RNF150: variants seen among roughly 807,000 people sequenced by gnomAD.
The protein encoded by RNF150 is ring finger protein 150.
RNF150 carries 24 observed loss-of-function variants against 39.3 expected under a neutral mutation model. That is an observed-to-expected ratio of 0.61 (90% CI 0.44 to 0.86). RNF150 has a LOEUF of 0.86. Among genes scored for constraint, RNF150 ranks in the 40% least tolerant of loss-of-function variants. The pLI is 0.00. For missense variants in RNF150, 502 were observed against 587.8 expected (o/e 0.85, Z 1.51); for synonymous variants, 255 against 227.3 (o/e 1.12, Z -1.10).
chr4:140,984,062 C>T (rs1250789039), intron 1 of RNF150, among the ~76,000 whole-genome samples: 1 of 152,002 alleles, frequency 6.6e-6, no homozygotes, highest in African/African-American at 2.4e-5. Context: ...TTGACTGTGA[C>T]CTGTCACATG....
At chr4:141,087,889 A>G (rs1218676639) in intron 1 of RNF150, among the ~76,000 whole-genome samples, 3 of 152,044 alleles carry the variant, frequency 2.0e-5, no homozygotes, top group African/African-American at 7.2e-5. Context: ...TGAATTCCTC[A>G]GTCTGGTAAT....
chr4:141,132,814 T>A lies in RNF150; in HGVS notation c.-6A>T. Reference sequence around the variant, plus strand: ...TGGATGAGAGACATTGCCATCTTTATCCGCCGGGGCCCCCTCCCCGCCCCC... The same window carrying A: ...TGGATGAGAGACATTGCCATCTTTAACCGCCGGGGCCCCCTCCCCGCCCCC... On this transcript the variant is annotated 5_prime_UTR_variant, in exon 1 of 7. Coordinates refer to ENST00000515673, the MANE Select transcript of RNF150 (RefSeq NM_020724.2). This position sits in a 1 kb window ranked among gnomAD's most constrained non-coding sequence, Gnocchi z 4.9. The A allele has an allele frequency of 1.9e-6, 3 of 1,607,822 alleles. No homozygotes were observed. The highest frequency in any genetic ancestry group is 2.5e-6 in the Non-Finnish European group (3 of 1,177,084).
intron 6 of RNF150, among the ~76,000 whole-genome samples, chr4:140,903,794 C>T (rs1236717856): frequency 1.3e-5 from 2 of 152,182 alleles, no homozygotes; most frequent in African/African-American, 4.8e-5. Context: ...TTCAGGAAGA[C>T]AAGCTTCTTC....
At chr4:140,929,575 C>T (rs1470659259) in intron 4 of RNF150, among the ~76,000 whole-genome samples, 1 of 151,896 alleles carries the variant, frequency 6.6e-6, no homozygotes, top group African/African-American at 2.4e-5. Flanking sequence ...ATCGTGTTGG[C>T]CAGGATGGTC....
chr4:140,915,888 C>T (rs1240036201), intron 5 of RNF150, among the ~76,000 whole-genome samples: 4 of 152,164 alleles, frequency 2.6e-5, no homozygotes, highest in Admixed American at 6.5e-5. Flanking sequence ...TGCGGTTCAC[C>T]AATATCTGCT....
In RNF150 at chr4:141,005,986, G is replaced by A. The variant is rs896858953; in HGVS notation, c.485-38113C>T. Among the ~76,000 whole-genome samples the A allele has an allele frequency of 1.4e-4, 18 of 132,324 alleles. 3 individuals are homozygous for A. The highest frequency in any genetic ancestry group is 1.0e-3 in the Admixed American group (14 of 13,470). 86.8% of individuals were successfully genotyped at this position (132,324 alleles called of 152,430 possible). ...TGGGAGGCTGAGGCAGGAGAATGGC[G>A]TGAACCCGGGAGGCGGAGTTTGCAG... On this transcript the variant is annotated intron_variant, in intron 1 of 6. Transcript: ENST00000515673.
At chr4:140,991,739 A>G (rs558859090) in intron 1 of RNF150, among the ~76,000 whole-genome samples, 1 of 152,300 alleles carries the variant, frequency 6.6e-6, no homozygotes, top group African/African-American at 2.4e-5. Context: ...TATATTCTAT[A>G]TGAAATTTTA....
intron 5 of RNF150, 63 bp downstream of exon 5, chr4:140,925,914 C>T: frequency 1.7e-6 from 2 of 1,146,224 alleles, no homozygotes; most frequent in South Asian, 2.5e-5. Flanking sequence ...AATGTTTTCT[C>T]CCTGCTTTGA....
chr4:141,016,162 T>C (rs1241793294), intron 1 of RNF150, among the ~76,000 whole-genome samples: 5 of 152,178 alleles, frequency 3.3e-5, no homozygotes, highest in Non-Finnish European at 5.9e-5. Flanking sequence ...TGACAATACC[T>C]GCTGTTTACT....
chr4:141,168,931 C>T (rs1384966629), intron 1 of RNF150, among the ~76,000 whole-genome samples: 1 of 152,062 alleles, frequency 6.6e-6, no homozygotes, highest in Non-Finnish European at 1.5e-5. Flanking sequence ...TATCCCAGAA[C>T]TTAAAGTATA....
intron 1 of RNF150, among the ~76,000 whole-genome samples, chr4:141,107,134 A>C (rs926348830): frequency 8.5e-5 from 13 of 152,210 alleles, no homozygotes; most frequent in Non-Finnish European, 1.5e-5. Flanking sequence ...ATTTAAAGTG[A>C]TCTCTACCAC....
chr4:141,025,128 C>A (rs1487409137), intron 1 of RNF150, among the ~76,000 whole-genome samples: 1 of 152,028 alleles, frequency 6.6e-6, no homozygotes, highest in Non-Finnish European at 1.5e-5. Context: ...TAGAACTCTT[C>A]AAGAAATTCT....
chr4:141,042,715 C>T (rs1736416559), intron 1 of RNF150, among the ~76,000 whole-genome samples: 1 of 152,050 alleles, frequency 6.6e-6, no homozygotes, highest in Non-Finnish European at 1.5e-5. Flanking sequence ...TTCTTATTTC[C>T]TGGATAGATA....
At position 140,861,960 on chromosome 4, in the gene RNF150, C is replaced by T. The variant is rs1210141245; in HGVS notation, c.*6301G>A. ...AAAACCCCATAAGGTTTAATGGTTT[C>T]ATTCAACCATGCAACCCACCTTCGC... On this transcript the variant is annotated 3_prime_UTR_variant, in exon 7 of 7. Coordinates refer to ENST00000515673, the MANE Select transcript of RNF150 (RefSeq NM_020724.2). The T allele has an allele frequency of 4.6e-5, 7 of 152,166 alleles. No individual in the cohort carries two copies. The highest frequency in any genetic ancestry group is 1.0e-4 in the Non-Finnish European group (7 of 68,030). The allele number at this position is 152,166 out of a possible 1,614,324, so 9.4% of individuals were successfully genotyped here.
At chr4:140,989,413 G>A (rs961016540) in intron 1 of RNF150, among the ~76,000 whole-genome samples, 18 of 152,056 alleles carry the variant, frequency 1.2e-4, no homozygotes, top group African/African-American at 4.3e-4. Flanking sequence ...CTACTTCTGG[G>A]AGCTGGCCAA....
At chr4:140,869,444 A>C (rs898292148) in intron 6 of RNF150, among the ~76,000 whole-genome samples, 1 of 152,200 alleles carries the variant, frequency 6.6e-6, no homozygotes, top group Non-Finnish European at 1.5e-5. Context: ...ATGAACATAC[A>C]TCACTTACTC....
intron 1 of RNF150, among the ~76,000 whole-genome samples, chr4:141,051,965 G>A (rs1339894086): frequency 6.6e-6 from 1 of 152,198 alleles, no homozygotes; most frequent in Non-Finnish European, 1.5e-5. Flanking sequence ...GTTCCATGTG[G>A]CTGGGGAGTC....
chr4:141,134,914 G>A (rs1289973935), upstream of RNF150, among the ~76,000 whole-genome samples: 1 of 152,158 alleles, frequency 6.6e-6, no homozygotes, highest in East Asian at 1.9e-4. Flanking sequence ...TTATCGCTTA[G>A]CATTTTTTTT....
chr4:140,982,140 C>T (rs1035743590), intron 1 of RNF150, among the ~76,000 whole-genome samples: 1 of 152,196 alleles, frequency 6.6e-6, no homozygotes, highest in Non-Finnish European at 1.5e-5. Context: ...TCACCAATGG[C>T]AAAATCTTCT....
Sources: gnomAD v4.1 joint callset for allele counts (sites outside exome capture counted in the v4.1 genomes callset) on GRCh38, gnomAD v4.1.1 for gene constraint, Gnocchi (gnomAD v3.1) non-coding constraint, MANE v1.5 for transcripts, NCBI Gene and HGNC (gene_info 2026-07-23, HGNC 2026-07-21) for gene names.